ANK2: variants seen among roughly 807,000 people sequenced by gnomAD.
The protein encoded by ANK2 is ankyrin-2.
ANK2 carries 83 observed loss-of-function variants against 360.5 expected under a neutral mutation model. The ratio of observed to expected loss-of-function variants is 0.23; its 90% CI spans 0.19 to 0.28. ANK2 has a LOEUF of 0.28. ANK2 is among the 10% of genes least tolerant of loss of function. ANK2 has a pLI of 1.00. For synonymous variants in ANK2, 1,740 were observed against 1,759.5 expected, an observed-to-expected ratio of 0.99 and a Z score of 0.28; for missense variants, 4,201 against 4,795.7, an observed-to-expected ratio of 0.88 and a Z score of 3.66.
Position 113,237,113 on chromosome 4 carries a change from G to A in ANK2, c.610G>A (p.Asp204Asn), listed in dbSNP as rs1323749557. 1.2e-6 allele frequency: 2 copies of A among 1,614,018 alleles called. No individual in the cohort carries two copies. The highest frequency in any genetic ancestry group is 8.5e-7 in the Non-Finnish European group (1 of 1,180,028). The change falls in exon 6 of 46, where the codon GAC becomes AAC. Residue 204 changes from aspartate to asparagine, a missense_variant. Coordinates refer to ENST00000357077, the MANE Select transcript of ANK2 (RefSeq NM_001148.6). ...PALHIAARKD[D>N]TKSAALLLQN... ...TCTGCATATTGCCGCTAGGAAAGACGACACCAAATCTGCCGCACTTCTGCT... is the reference window on the plus strand; with the variant it reads ...TCTGCATATTGCCGCTAGGAAAGACAACACCAAATCTGCCGCACTTCTGCT...
At chr4:112,769,358 C>A in the ANK2 span, among the ~76,000 whole-genome samples, 1 of 152,064 alleles carries the variant, frequency 6.6e-6, no homozygotes, top group Admixed American at 6.6e-5. Flanking sequence ...GAGTCAGAGT[C>A]GGGGAAGACT....
chr4:112,731,233 G>A, the ANK2 span, among the ~76,000 whole-genome samples: 2 of 147,646 alleles, frequency 1.4e-5, no homozygotes. Context: ...TGAGGTTGCA[G>A]TGAGCCATAA....
exon 2 of ANK2, chr4:112,904,464 G>A (rs2084521973): frequency 2.0e-6 from 3 of 1,481,972 alleles, no homozygotes; most frequent in African/African-American, 1.4e-5. Context: ...GGTAAGTAAT[G>A]AAAAGAGACA....
In ANK2 at chr4:112,975,211, C is replaced by T. The variant is rs963521482; in HGVS notation, c.21+70697C>T. The stretch of plus-strand genomic sequence containing the variant: ...TGCTTAGGAACTTCCATTTAGCTAC[C>T]GGTAAACTATGAGTGTATTCTGTTG... On this transcript the variant is annotated intron_variant, in intron 2 of 30. Coordinates refer to the ANK2 transcript ENST00000503271. Among the ~76,000 whole-genome samples, 5 of 152,210 alleles carry T rather than the reference C, an allele frequency of 3.3e-5. No individual in the cohort carries two copies. The East Asian group carries it at 7.7e-4, about 23-fold the overall frequency.
At chr4:112,750,735 T>C in the ANK2 span, among the ~76,000 whole-genome samples, 1 of 145,712 alleles carries the variant, frequency 6.9e-6, no homozygotes, top group African/African-American at 2.5e-5. Flanking sequence ...TCCTTTTTTC[T>C]TTTTTTTTTT....
chr4:113,035,631 C>T (rs1401532881), intron 2 of ANK2, among the ~76,000 whole-genome samples: 3 of 151,696 alleles, frequency 2.0e-5, no homozygotes, highest in Admixed American at 6.6e-5. Flanking sequence ...CACCTTTATT[C>T]TGAAAATGCT....
intron 1 of ANK2, among the ~76,000 whole-genome samples, chr4:112,829,576 A>T (rs1346086496): frequency 6.6e-6 from 1 of 151,732 alleles, no homozygotes; most frequent in Non-Finnish European, 1.5e-5. Flanking sequence ...CAGGCATATG[A>T]AAAAAATTCT....
intron 1 of ANK2, among the ~76,000 whole-genome samples, chr4:112,874,198 C>T (rs954651117): frequency 6.6e-6 from 1 of 150,436 alleles, no homozygotes; most frequent in African/African-American, 2.4e-5. Flanking sequence ...TCTCCTGCCT[C>T]AGCCTCCTGA....
intron 1 of ANK2, among the ~76,000 whole-genome samples, chr4:112,886,662 A>AAAAC (rs370716619): frequency 6.6e-6 from 1 of 152,136 alleles, no homozygotes; most frequent in Non-Finnish European, 1.5e-5. Flanking sequence ...ACTCTGTCTC[A>AAAAC]AAACAAACAA....
intron 1 of ANK2, among the ~76,000 whole-genome samples, chr4:113,085,226 C>G (rs1343405280): frequency 6.6e-6 from 1 of 152,196 alleles, no homozygotes; most frequent in African/African-American, 2.4e-5. Flanking sequence ...TTTGCTGATA[C>G]AGACATATTT....
At chr4:113,283,851 C>A (rs2063355935) in intron 18 of ANK2, among the ~76,000 whole-genome samples, 1 of 152,194 alleles carries the variant, frequency 6.6e-6, no homozygotes, top group Non-Finnish European at 1.5e-5. Context: ...ATGTTTTCTA[C>A]ATTTCATTGT....
chr4:112,744,034 C>T, the ANK2 span, among the ~76,000 whole-genome samples: 10 of 151,840 alleles, frequency 6.6e-5, no homozygotes, highest in South Asian at 2.1e-4. Context: ...GATGGGGTTT[C>T]GCCATGTTGG....
chr4:112,895,021 C>T (rs533065105), intron 1 of ANK2, among the ~76,000 whole-genome samples: 124 of 152,294 alleles, frequency 8.1e-4, no homozygotes, highest in Non-Finnish European at 1.6e-3. Flanking sequence ...GTGCATTAGA[C>T]ACATTTTGTG....
chr4:112,801,396 T>C, the ANK2 span, among the ~76,000 whole-genome samples: 1 of 152,334 alleles, frequency 6.6e-6, no homozygotes, highest in South Asian at 2.1e-4. Flanking sequence ...ATTGAGATCC[T>C]ACCATGTCCT....
At chr4:113,201,285 C>T (rs889807060) in intron 4 of ANK2, among the ~76,000 whole-genome samples, 4 of 152,250 alleles carry the variant, frequency 2.6e-5, no homozygotes, top group Admixed American at 6.5e-5. Flanking sequence ...ACCACCTGCA[C>T]GGCTTGTTGA....
At chr4:113,241,901 G>A (rs2040159877) in intron 8 of ANK2, among the ~76,000 whole-genome samples, 2 of 152,096 alleles carry the variant, frequency 1.3e-5, no homozygotes. Flanking sequence ...ACTTAGTTAT[G>A]CAGTTTCATT....
intron 1 of ANK2, among the ~76,000 whole-genome samples, chr4:112,878,792 G>A (rs961202497): frequency 1.1e-4 from 17 of 151,904 alleles, no homozygotes; most frequent in African/African-American, 3.9e-4. Flanking sequence ...CCGCCACCAC[G>A]CCCGGCTAAT....
intron 1 of ANK2, among the ~76,000 whole-genome samples, chr4:113,171,075 G>T (rs893644393): frequency 1.3e-5 from 2 of 152,058 alleles, no homozygotes; most frequent in Non-Finnish European, 2.9e-5. Flanking sequence ...TCTTTATTTT[G>T]CTTTTATGTG....
intron 3 of ANK2, 49 bp from the exon 4 acceptor site, chr4:113,198,962 G>A (rs2153404245): frequency 6.6e-7 from 1 of 1,503,786 alleles, no homozygotes; most frequent in East Asian, 2.3e-5. Context: ...TTTGATTTCT[G>A]CAAAATTCAG....
Sources: gnomAD v4.1 joint callset for allele counts (sites outside exome capture counted in the v4.1 genomes callset) on GRCh38, gnomAD v4.1.1 for gene constraint, MANE v1.5 for transcripts, NCBI Gene and HGNC (gene_info 2026-07-23, HGNC 2026-07-21) for gene names.